Variants in JAKMIP1 observed in about 807,000 individuals in gnomAD.
The protein encoded by JAKMIP1 is janus kinase and microtubule-interacting protein 1.
A neutral mutation model predicts 113.0 loss-of-function variants in JAKMIP1; 33 were observed. The observed-to-expected ratio is 0.29, with a 90% CI of 0.22 to 0.39. The LOEUF is 0.39. Among genes scored for constraint, JAKMIP1 ranks in the 10% least tolerant of loss-of-function variants. The probability of loss-of-function intolerance (pLI) is 1.00; values close to 1 mark genes in which losing one functional copy is unlikely to be tolerated. For synonymous variants in JAKMIP1, 480 were observed against 459.9 expected (o/e 1.04, Z -0.56); for missense variants, 813 against 1,080.5 (o/e 0.75, Z 3.47).
chr4:6,172,984 G>A (rs1486964774), intron 1 of JAKMIP1, among the ~76,000 whole-genome samples: 1 of 152,200 alleles, frequency 6.6e-6, no homozygotes, highest in African/African-American at 2.4e-5. Flanking sequence ...GGGGCTTCCT[G>A]GAGGAGGTGA....
chr4:6,168,966 C>T lies in JAKMIP1; in HGVS notation c.-148+31287G>A, dbSNP rs531085493. 2.0e-5 allele frequency among the ~76,000 whole-genome samples: 3 copies of T among 151,628 alleles called. No homozygotes were observed. The highest frequency in any genetic ancestry group is 2.1e-4 in the South Asian group (1 of 4,800). On this transcript the variant is annotated intron_variant, in intron 1 of 20. Coordinates refer to ENST00000409021, the MANE Select transcript of JAKMIP1 (RefSeq NM_001099433.2). The surrounding 1 kb of genome is among the most constrained non-coding windows in gnomAD (Gnocchi z 4.6). ...TAGATGTAGTGGTTGTCAGGGGTCACGTGAAAGGAAGAGTTGGTGGTGGGG... is the reference window on the plus strand; with the variant it reads ...TAGATGTAGTGGTTGTCAGGGGTCATGTGAAAGGAAGAGTTGGTGGTGGGG...
intron 1 of JAKMIP1, among the ~76,000 whole-genome samples, chr4:6,134,858 C>T (rs1172973816): frequency 6.6e-6 from 1 of 152,240 alleles, no homozygotes; most frequent in Non-Finnish European, 1.5e-5. Flanking sequence ...TCAAGCCTAG[C>T]ATGGGAGGGT....
intron 1 of JAKMIP1, among the ~76,000 whole-genome samples, chr4:6,182,959 GC>G (rs1465533595): frequency 6.6e-6 from 1 of 152,184 alleles, no homozygotes; most frequent in African/African-American, 2.4e-5. Flanking sequence ...TGGAGGTCAG[GC>G]CAGTGCCAGC....
chr4:6,033,216 C>T (rs1159414118), intron 19 of JAKMIP1, among the ~76,000 whole-genome samples: 2 of 152,210 alleles, frequency 1.3e-5, no homozygotes, highest in Admixed American at 1.3e-4. Flanking sequence ...TCACTGCACC[C>T]TGTGGGCCAG....
rs1717254285 is a variant in JAKMIP1 at position 6,061,328 on chromosome 4, C to G, written c.1561-821G>C. On this transcript the variant is annotated intron_variant, in intron 10 of 20. Transcript: ENST00000409021. The surrounding 1 kb of genome is among the most constrained non-coding windows in gnomAD (Gnocchi z 5.3). ...CCTTTTATGGTGGGACAAGCAGCTTCCCTCCCTGCTGACCTCACTCCCCCT... is the reference window on the plus strand; with the variant it reads ...CCTTTTATGGTGGGACAAGCAGCTTGCCTCCCTGCTGACCTCACTCCCCCT... 6.6e-6 allele frequency among the ~76,000 whole-genome samples: 1 copy of G among 152,186 alleles called. No individual in the cohort carries two copies. Among genetic ancestry groups the G allele is most frequent in the African/African-American group, 2.4e-5 (1 of 41,446 alleles).
intron 8 of JAKMIP1, among the ~76,000 whole-genome samples, chr4:6,071,720 G>A (rs1425828437): frequency 6.6e-6 from 1 of 152,198 alleles, no homozygotes; most frequent in East Asian, 1.9e-4. Context: ...TCCTCTGGCG[G>A]TACCTCCAGG....
At chr4:6,170,895 CCACCAT>C (rs1437631905) in intron 1 of JAKMIP1, among the ~76,000 whole-genome samples, 2 of 151,244 alleles carry the variant, frequency 1.3e-5, no homozygotes, top group African/African-American at 4.9e-5. Flanking sequence ...ACCTCCACCA[CCACCAT>C]CACCATCACC....
In JAKMIP1 at chr4:6,067,198, AG is replaced by A. The variant is rs1474226765; in HGVS notation, c.1303-2191del. Reference sequence around the variant, plus strand: ...CTTGAAATGGAAGCTCCATGAAGACAGGGGGTTGGCCCTTTTGTTCTCGACT... The same window carrying A: ...CTTGAAATGGAAGCTCCATGAAGACAGGGGTTGGCCCTTTTGTTCTCGACT... On this transcript the variant is annotated intron_variant, in intron 8 of 20. Transcript: ENST00000409021. The surrounding 1 kb of genome is among the most constrained non-coding windows in gnomAD (Gnocchi z 4.6). 6.6e-6 allele frequency among the ~76,000 whole-genome samples: 1 copy of A among 152,158 alleles called. No individual in the cohort carries two copies. The highest frequency in any genetic ancestry group is 1.5e-5 in the Non-Finnish European group (1 of 68,034).
At chr4:6,084,210 G>A (rs1334555100) in intron 5 of JAKMIP1, among the ~76,000 whole-genome samples, 1 of 151,858 alleles carries the variant, frequency 6.6e-6, no homozygotes, top group Non-Finnish European at 1.5e-5. Flanking sequence ...CCAGCTACTC[G>A]GGAGGCTGAG....
intron 1 of JAKMIP1, among the ~76,000 whole-genome samples, chr4:6,169,936 G>A (rs973436832): frequency 2.7e-5 from 4 of 149,394 alleles, no homozygotes; most frequent in Admixed American, 6.7e-5. Flanking sequence ...TACCACCACC[G>A]ATACTACCAC....
chr4:6,070,879 G>T (rs990142856), intron 8 of JAKMIP1, among the ~76,000 whole-genome samples: 3 of 152,118 alleles, frequency 2.0e-5, no homozygotes, highest in Non-Finnish European at 4.4e-5. Flanking sequence ...AGATTCACCT[G>T]CCCAGAAGGG....
intron 8 of JAKMIP1, among the ~76,000 whole-genome samples, chr4:6,066,942 C>T (rs987459269): frequency 9.9e-5 from 15 of 152,138 alleles, no homozygotes; most frequent in Admixed American, 4.6e-4. Context: ...CTTTGCGCTC[C>T]GAGACGCTCT....
intron 3 of JAKMIP1, among the ~76,000 whole-genome samples, chr4:6,098,621 G>T (rs1560180351): frequency 7.8e-6 from 1 of 128,860 alleles, no homozygotes; most frequent in African/African-American, 3.0e-5. Context: ...GAAAGAAAAA[G>T]AAAAAGAAAG....
At chr4:6,191,887 C>A (rs982512932) in intron 1 of JAKMIP1, among the ~76,000 whole-genome samples, 1 of 144,532 alleles carries the variant, frequency 6.9e-6, no homozygotes, top group Non-Finnish European at 1.5e-5. Context: ...CCGTTTTTTT[C>A]ATACGTCTTC....
intron 18 of JAKMIP1, among the ~76,000 whole-genome samples, chr4:6,037,942 A>G (rs2108752028): frequency 8.2e-6 from 1 of 122,504 alleles, no homozygotes; most frequent in East Asian, 2.4e-4. Flanking sequence ...ACTGAGTCAG[A>G]GGTTAACCCA....
At chr4:6,175,896 C>T (rs1168894339) in intron 1 of JAKMIP1, among the ~76,000 whole-genome samples, 2 of 152,204 alleles carry the variant, frequency 1.3e-5, no homozygotes, top group Admixed American at 1.3e-4. Flanking sequence ...CTCTCTGAAC[C>T]AGTTTCCTGG....
intron 1 of JAKMIP1, among the ~76,000 whole-genome samples, chr4:6,146,950 T>C (rs1035227529): frequency 6.6e-6 from 1 of 152,104 alleles, no homozygotes; most frequent in Non-Finnish European, 1.5e-5. Context: ...CTTATGAGCC[T>C]AATTCAGTTT....
chr4:6,088,131 G>T lies in JAKMIP1; in HGVS notation c.625-2502C>A, dbSNP rs1017809581. On this transcript the variant is annotated intron_variant, in intron 3 of 20. Transcript: ENST00000409021. The surrounding 1 kb of genome is among the most constrained non-coding windows in gnomAD (Gnocchi z 5.5). ...ACATGCTGAGCTGAGCGCTATCAGT[G>T]GGTGCTGAGAAACATTAGAGAGCAA... 6.6e-6 allele frequency among the ~76,000 whole-genome samples: 1 copy of T among 152,334 alleles called. No homozygotes were observed. Among genetic ancestry groups the T allele is most frequent in the East Asian group, 1.9e-4 (1 of 5,182 alleles).
intron 5 of JAKMIP1, among the ~76,000 whole-genome samples, chr4:6,082,925 T>C (rs1438576750): frequency 6.6e-6 from 1 of 151,798 alleles, no homozygotes; most frequent in Non-Finnish European, 1.5e-5. Flanking sequence ...TAAGCACTGA[T>C]GGGGAGTGAT....
Sources: allele counts gnomAD v4.1 joint callset (sites outside exome capture counted in the v4.1 genomes callset), GRCh38; gene constraint gnomAD v4.1.1; non-coding constraint Gnocchi (gnomAD v3.1); transcripts MANE v1.5; gene names NCBI Gene and HGNC (gene_info 2026-07-23, HGNC 2026-07-21).